HMGCLL1: variants seen among roughly 807,000 people sequenced by gnomAD.
HMGCLL1 encodes the protein 3-hydroxy-3-methylglutaryl-CoA lyase like 1.
Under a neutral mutation model 39.1 loss-of-function variants are expected in HMGCLL1, and 36 were observed. The ratio of observed to expected loss-of-function variants is 0.92; its 90% CI spans 0.71 to 1.22. HMGCLL1 has a LOEUF of 1.22. Among genes scored for constraint, HMGCLL1 ranks in the 50% most tolerant of loss-of-function variants. The pLI is 0.00. For missense variants in HMGCLL1, 451 were observed against 416.5 expected (o/e 1.08, Z -0.72); for synonymous variants, 149 against 144.0 (o/e 1.03, Z -0.25).
In HMGCLL1 at chr6:55,435,695, G is replaced by A. The variant is rs764095791; in HGVS notation, c.990C>T (p.Asn330=). The change falls in exon 9 of 9, where the codon AAC becomes AAT. Residue 330 remains asparagine (N), a synonymous_variant. Transcript: ENST00000274901. Reference sequence around the variant, plus strand: ...TGAAGGAGGCTTGTGCTACTTTAGAGTTTGTGGTTTTATTCACAGCTTTGC... The same window carrying A: ...TGAAGGAGGCTTGTGCTACTTTAGAATTTGTGGTTTTATTCACAGCTTTGC... ...FICKAVNKTT[N]SKVAQASFNA The A allele has an allele frequency of 6.2e-7, 1 of 1,605,494 alleles. No individual in the cohort carries two copies. Among genetic ancestry groups the A allele is most frequent in the South Asian group, 1.1e-5 (1 of 90,482 alleles).
rs774541120 is a variant in HMGCLL1, at chr6:55,578,999, C to A, written c.57G>T (p.Arg19=). The A allele has an allele frequency of 4.3e-6, 7 of 1,613,788 alleles. No homozygotes were observed. The highest frequency in any genetic ancestry group is 5.9e-6 in the Non-Finnish European group (7 of 1,179,900). ...KHCLSYQQLL[R]EHLWIGDSVA... is the part of the protein sequence containing the mutation. ...CTGAATCCCCGATCCAGAGATGCTC[C>A]CGGAGAAGCTGCTGGTAGCTGAGGC... The change falls in exon 1 of 9, where the codon CGG becomes CGT. Residue 19 remains arginine (R), a synonymous_variant. Transcript: ENST00000274901.
chr6:55,533,869 G>A (rs905358722), intron 3 of HMGCLL1, among the ~76,000 whole-genome samples: 1 of 96,222 alleles, frequency 1.0e-5, no homozygotes, highest in Non-Finnish European at 2.2e-5. Context: ...CTGGGCGACA[G>A]AGCGAGACTC....
At chr6:55,514,239 A>G (rs780960016) in intron 4 of HMGCLL1, 43 bp from the exon 5 acceptor site, 2 of 1,467,626 alleles carry the variant, frequency 1.4e-6, no homozygotes, top group Non-Finnish European at 1.9e-6. Flanking sequence ...TAACTTCAAA[A>G]ATGTGAATGA....
At chr6:55,459,398 G>A (rs911411710) in intron 7 of HMGCLL1, among the ~76,000 whole-genome samples, 8 of 152,048 alleles carry the variant, frequency 5.3e-5, no homozygotes, top group Non-Finnish European at 1.2e-4. Context: ...GTTTTATAGA[G>A]GAAATGACAT....
the HMGCLL1 span, among the ~76,000 whole-genome samples, chr6:55,620,212 C>T: frequency 1.3e-5 from 2 of 152,060 alleles, no homozygotes; most frequent in Non-Finnish European, 1.5e-5. Context: ...ATATACCTAT[C>T]AGTGGAATTG....
At chr6:55,625,017 C>T in the HMGCLL1 span, among the ~76,000 whole-genome samples, 3 of 152,106 alleles carry the variant, frequency 2.0e-5, no homozygotes, top group African/African-American at 4.8e-5. Context: ...CCCAGCAGAT[C>T]GAATGGTGCT....
At chr6:55,643,459 C>A in the HMGCLL1 span, among the ~76,000 whole-genome samples, 10 of 152,006 alleles carry the variant, frequency 6.6e-5, no homozygotes, top group South Asian at 2.1e-4. Flanking sequence ...TTGCTTTGGG[C>A]AGTGTGGCCA....
At chr6:55,499,857 C>T (rs1311421003) in intron 5 of HMGCLL1, among the ~76,000 whole-genome samples, 4 of 151,898 alleles carry the variant, frequency 2.6e-5, no homozygotes, top group Non-Finnish European at 5.9e-5. Flanking sequence ...AGAAGAGTGT[C>T]TAGTGTGTTT....
the HMGCLL1 span, among the ~76,000 whole-genome samples, chr6:55,629,829 T>C: frequency 6.6e-6 from 1 of 152,184 alleles, no homozygotes; most frequent in Admixed American, 6.5e-5. Context: ...AGCCTGTGAG[T>C]GCACAGACAT....
chr6:55,553,267 GTGTA>G (rs1170920252), intron 1 of HMGCLL1, among the ~76,000 whole-genome samples: 17 of 151,150 alleles, frequency 1.1e-4, no homozygotes, highest in African/African-American at 2.9e-4. Flanking sequence ...GTGTGTGTGT[GTGTA>G]TGTATGTATG....
chr6:55,585,608 T>C, the HMGCLL1 span, among the ~76,000 whole-genome samples: 1 of 152,124 alleles, frequency 6.6e-6, no homozygotes, highest in Non-Finnish European at 1.5e-5. Flanking sequence ...CTATCAATTA[T>C]AATTATAAAG....
chr6:55,564,771 C>T (rs1771132167), intron 1 of HMGCLL1, among the ~76,000 whole-genome samples: 1 of 151,176 alleles, frequency 6.6e-6, no homozygotes, highest in Non-Finnish European at 1.5e-5. Context: ...CAGAAATAGC[C>T]TATAAAGCTT....
the HMGCLL1 span, among the ~76,000 whole-genome samples, chr6:55,632,955 T>C: frequency 1.3e-5 from 2 of 152,134 alleles, no homozygotes; most frequent in African/African-American, 4.8e-5. Flanking sequence ...GCATATAGAC[T>C]CTTGACATCT....
At chr6:55,532,808 ATAATAATAATAAT>A (rs1768764587) in intron 3 of HMGCLL1, among the ~76,000 whole-genome samples, 1 of 1,278 alleles carries the variant, frequency 7.8e-4, no homozygotes, top group African/African-American at 2.0e-3. Context: ...CTCAAACATA[ATAATAATAATAAT>A]AATAATAATA....
chr6:55,471,682 CT>C (rs989403469), intron 7 of HMGCLL1, among the ~76,000 whole-genome samples: 34 of 146,922 alleles, frequency 2.3e-4, no homozygotes, highest in African/African-American at 8.5e-4. Context: ...ATATTTTTTT[CT>C]TTTTTTAAAA....
rs1766746130 is a variant in HMGCLL1, at chr6:55,499,253, G to T, written c.589C>A (p.Pro197Thr). 6.2e-7 allele frequency: 1 copy of T among 1,609,654 alleles called. No individual in the cohort carries two copies. Among genetic ancestry groups the T allele is most frequent in the Non-Finnish European group, 8.5e-7 (1 of 1,177,802 alleles). The part of the protein sequence containing the change: ...LGCPYEGSIT[P>T]QKVTEVSKRL... ...TAGCTTACTTCTGTCACTTTTTGCG[G>T]TGTAATACTTCCTTCATATGGACAG... Residue 197 changes from proline to threonine, a missense_variant, in exon 6 of 9, where the codon CCG becomes ACG. Transcript: ENST00000274901.
intron 7 of HMGCLL1, among the ~76,000 whole-genome samples, chr6:55,488,715 T>C (rs1214306543): frequency 1.3e-5 from 2 of 152,028 alleles, no homozygotes; most frequent in Admixed American, 1.3e-4. Flanking sequence ...CTCCATTCCA[T>C]TGGCTTTCAT....
chr6:55,621,133 A>C, the HMGCLL1 span, among the ~76,000 whole-genome samples: 1 of 152,124 alleles, frequency 6.6e-6, no homozygotes, highest in African/African-American at 2.4e-5. Context: ...TATAAATTTA[A>C]GAATTTGTTT....
At chr6:55,598,206 T>G in the HMGCLL1 span, among the ~76,000 whole-genome samples, 1 of 152,316 alleles carries the variant, frequency 6.6e-6, no homozygotes, top group East Asian at 1.9e-4. Context: ...CCAAATGTCT[T>G]GTATATACAG....
Sources: gnomAD v4.1 joint callset for allele counts (sites outside exome capture counted in the v4.1 genomes callset) on GRCh38, gnomAD v4.1.1 for gene constraint, MANE v1.5 for transcripts, NCBI Gene and HGNC (gene_info 2026-07-23, HGNC 2026-07-21) for gene names.